Variants in ARL1 observed in about 807,000 individuals in gnomAD.
ARL1 encodes ADP-ribosylation factor-like protein 1.
ARL1 carries 17 observed loss-of-function variants against 30.1 expected under a neutral mutation model. That is an observed-to-expected ratio of 0.56 (90% CI 0.39 to 0.85). The LOEUF (loss-of-function observed/expected upper bound fraction) is 0.85, where lower values mean the gene tolerates loss of function less well. Ranked by LOEUF, ARL1 falls within the 40% of genes least tolerant of loss-of-function variation. The pLI is 0.00. For missense variants in ARL1, 102 were observed against 212.6 expected (o/e 0.48, Z 3.24); for synonymous variants, 58 against 71.7 (o/e 0.81, Z 0.97).
chr12:101,396,282 T>C (rs1453166030), intron 5 of ARL1, 117 bp downstream of exon 5: 1 of 1,332,760 alleles, frequency 7.5e-7, no homozygotes, highest in East Asian at 2.3e-5. Context: ...ACTTATGAAA[T>C]AAGCTGCTAA....
intron 4 of ARL1, among the ~76,000 whole-genome samples, chr12:101,397,043 T>G (rs1211220319): frequency 6.6e-6 from 1 of 152,228 alleles, no homozygotes; most frequent in Non-Finnish European, 1.5e-5. Flanking sequence ...GACTATTAGA[T>G]AAACCCAAGT....
Position 101,393,225 on chromosome 12 carries a change from T to C in ARL1, c.*2415A>G, listed in dbSNP as rs1277471050. 1 of 152,026 alleles carries C rather than the reference T, an allele frequency of 6.6e-6. No homozygotes were observed. The highest frequency in any genetic ancestry group is 6.6e-5 in the Admixed American group (1 of 15,212). The allele number at this position is 152,026 out of a possible 1,614,324, so 9.4% of individuals were successfully genotyped here. On this transcript the variant is annotated 3_prime_UTR_variant, in exon 6 of 6. Coordinates refer to ENST00000261636, the MANE Select transcript of ARL1 (RefSeq NM_001177.6). Reference sequence around the variant, plus strand: ...CAACGGATACTAACAGTAAATAAGATACGGTCCCTGCCCTCAGAGCTTACA... The same window carrying C: ...CAACGGATACTAACAGTAAATAAGACACGGTCCCTGCCCTCAGAGCTTACA...
chr12:101,407,360 A>C, intron 1 of ARL1: 1 of 393,950 alleles, frequency 2.5e-6, no homozygotes, highest in Admixed American at 4.4e-5. Flanking sequence ...CTTCATGATA[A>C]GGGTAAAGAA....
In ARL1 at chr12:101,394,698, ATTAT is replaced by A. The variant is rs1386326440; in HGVS notation, c.*938_*941del. 2.0e-5 allele frequency: 3 copies of A among 152,140 alleles called. No homozygotes were observed. Among genetic ancestry groups the A allele is most frequent in the African/African-American group, 7.2e-5 (3 of 41,438 alleles). The allele number at this position is 152,140 out of a possible 1,614,324, so 9.4% of individuals were successfully genotyped here. A position where few individuals can be genotyped will look rare whatever the true frequency, so the allele number is the denominator to read the frequency against. ...ATTCTATCAAATATAACCATTTAGG[ATTAT>A]TTATAGTATGTCACTGATCACTTCT... is the stretch of plus-strand genomic sequence containing the variant. On this transcript the variant is annotated 3_prime_UTR_variant, in exon 6 of 6. Transcript: ENST00000261636.
chr12:101,398,396 C>CA lies in ARL1; in HGVS notation c.337-1820dup, dbSNP rs199846146. Among the ~76,000 whole-genome samples, 327 of 114,916 alleles carry CA rather than the reference C, an allele frequency of 2.8e-3. 2 individuals carry two copies. The highest frequency in any genetic ancestry group is 5.3e-3 in the African/African-American group (164 of 30,856). 75.4% of individuals were successfully genotyped at this position (114,916 alleles called of 152,430 possible). A position where few individuals can be genotyped will look rare whatever the true frequency, so the allele number is the denominator to read the frequency against. ...GGGCAACAATAGTGAAACTCCGTCTCAAAAAAAAAAAAAAAGTTGAAACCT... is the reference window on the plus strand; with the variant it reads ...GGGCAACAATAGTGAAACTCCGTCTCAAAAAAAAAAAAAAAAGTTGAAACCT... On this transcript the variant is annotated intron_variant, in intron 4 of 5. Transcript: ENST00000261636.
chr12:101,406,166 T>C (rs951903266), intron 1 of ARL1, among the ~76,000 whole-genome samples, 185 bp from the exon 2 acceptor site: 1 of 152,226 alleles, frequency 6.6e-6, no homozygotes, highest in African/African-American at 2.4e-5. Flanking sequence ...ATTAGTTATG[T>C]TACTATGTCC....
intron 4 of ARL1, among the ~76,000 whole-genome samples, chr12:101,396,964 T>C (rs1019545180): frequency 2.0e-5 from 3 of 152,246 alleles, no homozygotes; most frequent in Non-Finnish European, 2.9e-5. Context: ...CTCTACACTA[T>C]GGATGCATGC....
chr12:101,397,330 C>T (rs1042824323), intron 4 of ARL1, among the ~76,000 whole-genome samples: 3 of 151,954 alleles, frequency 2.0e-5, no homozygotes, highest in African/African-American at 7.3e-5. Flanking sequence ...GCAGGAGGAT[C>T]GCTTAAGTCC....
rs1313504293 is a variant in ARL1, at chr12:101,395,504, C to G, written c.*136G>C. 5 of 627,434 alleles carry G rather than the reference C, an allele frequency of 8.0e-6. No homozygotes were observed. The East Asian group carries it at 1.5e-4, about 18-fold the overall frequency. 38.9% of individuals were successfully genotyped at this position (627,434 alleles called of 1,614,324 possible). On this transcript the variant is annotated 3_prime_UTR_variant, in exon 6 of 6. Coordinates refer to ENST00000261636, the MANE Select transcript of ARL1 (RefSeq NM_001177.6). ...ACTAAATACTTATTTTCCCTATTTA[C>G]TACAAATATTGCAGTCAGTCAGTAT...
intron 1 of ARL1, 43 bp downstream of exon 1, chr12:101,407,599 G>A (rs1398416637): frequency 6.2e-7 from 1 of 1,607,000 alleles, no homozygotes; most frequent in South Asian, 1.1e-5. Flanking sequence ...CCTCGGCCGC[G>A]GCTCCCTCGA....
chr12:101,397,657 G>A (rs1317017319), intron 4 of ARL1, among the ~76,000 whole-genome samples: 2 of 152,024 alleles, frequency 1.3e-5, no homozygotes, highest in Admixed American at 6.6e-5. Context: ...CCGCTGCCAC[G>A]CCCAGCTAAT....
chr12:101,399,983 AG>A (rs1459812470), intron 4 of ARL1, among the ~76,000 whole-genome samples: 2 of 152,120 alleles, frequency 1.3e-5, no homozygotes, highest in Non-Finnish European at 2.9e-5. Flanking sequence ...GCTGTAGTGC[AG>A]GGGCACGATC....
chr12:101,404,991 C>A (rs1871400264), intron 2 of ARL1, among the ~76,000 whole-genome samples: 3 of 152,172 alleles, frequency 2.0e-5, no homozygotes, highest in Admixed American at 6.5e-5. Context: ...CCTGCCTCAG[C>A]CTTCCGAGTA....
chr12:101,404,783 T>C (rs1871395655), intron 2 of ARL1, among the ~76,000 whole-genome samples: 1 of 152,254 alleles, frequency 6.6e-6, no homozygotes, highest in African/African-American at 2.4e-5. Flanking sequence ...TATTCTCATA[T>C]AGTCAGTAAG....
chr12:101,406,385 G>A (rs1228691504), intron 1 of ARL1, among the ~76,000 whole-genome samples: 1 of 152,156 alleles, frequency 6.6e-6, no homozygotes, highest in Non-Finnish European at 1.5e-5. Context: ...CTGTACAGCA[G>A]CAGTACCACT....
At chr12:101,399,509 T>TA (rs200979843) in intron 4 of ARL1, among the ~76,000 whole-genome samples, 4,973 of 109,868 alleles carry the variant, frequency 0.045, 236 homozygotes, top group Non-Finnish European at 0.059. Context: ...AGACTCTGTC[T>TA]AAAAAAAAAA....
chr12:101,398,876 T>A (rs1377190630), intron 4 of ARL1, among the ~76,000 whole-genome samples: 1 of 152,206 alleles, frequency 6.6e-6, no homozygotes, highest in African/African-American at 2.4e-5. Context: ...TAAGACTTTA[T>A]AAGTCAAATC....
chr12:101,407,379 C>T, intron 1 of ARL1: 2 of 439,584 alleles, frequency 4.5e-6, no homozygotes, highest in Admixed American at 4.2e-5. Flanking sequence ...AACTCGAACC[C>T]AGGCTCTGCG....
In ARL1 at chr12:101,403,329, A is replaced by G. The variant is rs143883311; in HGVS notation, c.143-383T>C. ...TTAAAAAAGAAATAAAAAGGAAAAC[A>G]TAATTTTTAGCTCAATGGAAATCCT... On this transcript the variant is annotated intron_variant, in intron 2 of 5. Transcript: ENST00000261636. 864 of 385,394 alleles carry G rather than the reference A, an allele frequency of 2.2e-3. 2 individuals carry two copies. Among genetic ancestry groups the G allele is most frequent in the Admixed American group, 3.6e-3 (107 of 29,946 alleles). The allele number at this position is 385,394 out of a possible 1,614,324, so 23.9% of individuals were successfully genotyped here. A position where few individuals can be genotyped will look rare whatever the true frequency, so the allele number is the denominator to read the frequency against.
Sources: allele counts gnomAD v4.1 joint callset (sites outside exome capture counted in the v4.1 genomes callset), GRCh38; gene constraint gnomAD v4.1.1; transcripts MANE v1.5; gene names NCBI Gene and HGNC (gene_info 2026-07-23, HGNC 2026-07-21).